The following PDHA1 variants were observed in gnomAD, a reference collection of about 807,000 sequenced individuals.
The protein encoded by PDHA1 is pyruvate dehydrogenase E1 component subunit alpha, somatic form, mitochondrial.
A neutral mutation model predicts 33.0 loss-of-function variants in PDHA1; 1 was observed. The ratio of observed to expected loss-of-function variants is 0.03; its 90% CI spans 0.01 to 0.14. PDHA1 has a LOEUF of 0.14. Among genes scored for constraint, PDHA1 ranks in the 10% least tolerant of loss-of-function variants. PDHA1 has a pLI of 1.00. For synonymous variants in PDHA1, 123 were observed against 119.2 expected (o/e 1.03, Z -0.21); for missense variants, 168 against 325.1 (o/e 0.52, Z 3.72).
chrX:19,344,127 C>T, intron 1 of PDHA1, 33 bp downstream of exon 1: 2 of 1,152,068 alleles, frequency 1.7e-6, no homozygotes, highest in Non-Finnish European at 2.4e-6. Flanking sequence ...GGATGGGGCG[C>T]GAGTGGGGCT....
chrX:19,358,919 C>T lies in PDHA1; in HGVS notation c.903C>T (p.Tyr301=), dbSNP rs1432211611. The change falls in exon 10 of 11, where the codon TAC becomes TAT. Residue 301 remains tyrosine, a synonymous_variant. Transcript: ENST00000422285. ...TACTACTTTTCCCTCCCCATAGTTACCGTACACGAGAAGAAATTCAGGAAG... is the reference window on the plus strand; with the variant it reads ...TACTACTTTTCCCTCCCCATAGTTATCGTACACGAGAAGAAATTCAGGAAG... ...GHSMSDPGVS[Y]RTREEIQEVR... is the part of the protein sequence containing the mutation. 4.4e-6 allele frequency: 5 copies of T among 1,148,665 alleles called. No individual in the cohort carries two copies. Among genetic ancestry groups the T allele is most frequent in the Non-Finnish European group, 6.0e-6 (5 of 839,428 alleles). 94.7% of individuals were successfully genotyped at this position (1,148,665 alleles called of 1,213,427 possible). A position where few individuals can be genotyped will look rare whatever the true frequency, so the allele number is the denominator to read the frequency against.
chrX:19,356,965 A>AGCCTTGG (rs1344970707), intron 8 of PDHA1, among the ~76,000 whole-genome samples: 2 of 111,828 alleles, frequency 1.8e-5, no homozygotes, highest in Non-Finnish European at 3.8e-5. Context: ...CTCCCAGCAG[A>AGCCTTGG]GCCTTGGGGT....
At chrX:19,359,073 C>T (rs1390368357) in intron 10 of PDHA1, 49 bp downstream of exon 10, 2 of 800,024 alleles carry the variant, frequency 2.5e-6, no homozygotes, top group Non-Finnish European at 1.9e-6. Flanking sequence ...TAAAAGTTGC[C>T]ACCCCTGGGT....
At chrX:19,354,685 AT>A (rs2147179923) in intron 6 of PDHA1, 102 bp downstream of exon 6, 1 of 596,109 alleles carries the variant, frequency 1.7e-6, no homozygotes, top group Non-Finnish European at 2.9e-6. Flanking sequence ...ATTAGGTGAA[AT>A]AGCAAGTCCT....
rs2063261212 is a variant in PDHA1, at chrX:19,360,066, T to TA, written c.*414dup. 3 of 189,692 alleles carry TA rather than the reference T, an allele frequency of 1.6e-5. No homozygotes were observed. Among genetic ancestry groups the TA allele is most frequent in the Non-Finnish European group, 2.9e-5 (3 of 103,402 alleles). 15.6% of individuals were successfully genotyped at this position (189,692 alleles called of 1,213,427 possible). On this transcript the variant is annotated 3_prime_UTR_variant, in exon 11 of 11. Transcript: ENST00000422285. ...TCGCGCTGACCATTTCTCTACAAGA[T>TA]ACAATATTTATTATCAGGCAAGAGG... is the stretch of plus-strand genomic sequence containing the variant.
At chrX:19,346,885 T>C (rs990021067) in intron 1 of PDHA1, among the ~76,000 whole-genome samples, 1 of 112,455 alleles carries the variant, frequency 8.9e-6, no homozygotes, top group African/African-American at 3.2e-5. Flanking sequence ...TAATTTACAC[T>C]GTTAGAATCT....
In PDHA1 at chrX:19,357,711, T is replaced by C. The variant is rs2147184530; in HGVS notation, c.891T>C (p.Pro297=). The C allele has an allele frequency of 1.7e-6, 2 of 1,203,842 alleles. No individual in the cohort carries two copies. Among genetic ancestry groups the C allele is most frequent in the Non-Finnish European group, 1.1e-6 (1 of 888,091 alleles). ...YRYHGHSMSD[P]GVSYRTREEI... is the part of the protein sequence containing the mutation. ...ACCACGGACACAGTATGAGTGACCC[T>C]GGAGTCAGGTACGCTCATGGGCAGT... Residue 297 remains proline, a synonymous_variant, in exon 9 of 11, where the codon CCT becomes CCC. Transcript: ENST00000422285.
At chrX:19,358,361 A>C (rs942548134) in intron 9 of PDHA1, among the ~76,000 whole-genome samples, 1 of 111,978 alleles carries the variant, frequency 8.9e-6, no homozygotes, top group East Asian at 2.8e-4. Flanking sequence ...AAATGGTAGA[A>C]TCCTTTTAGT....
chrX:19,346,036 A>T (rs6527915), intron 1 of PDHA1, among the ~76,000 whole-genome samples: 1,151 of 112,210 alleles, frequency 0.01, 16 homozygotes, highest in African/African-American at 0.036. Flanking sequence ...TTACTTAACT[A>T]TAAGTAACAA....
Position 19,361,658 on chromosome X carries a change from G to T in PDHA1, c.*2005G>T. 1.3e-6 allele frequency: 1 copy of T among 765,980 alleles called. No homozygotes were observed. Among genetic ancestry groups the T allele is most frequent in the South Asian group, 2.3e-5 (1 of 42,961 alleles). The allele number at this position is 765,980 out of a possible 1,213,427, so 63.1% of individuals were successfully genotyped here. A position where few individuals can be genotyped will look rare whatever the true frequency, so the allele number is the denominator to read the frequency against. On this transcript the variant is annotated 3_prime_UTR_variant, in exon 11 of 11. Transcript: ENST00000422285. Reference sequence around the variant, plus strand: ...TAAAACTCTTCAAAAGTAACCAGTTGGATTAATAAATGATTCCAGAATGTA... The same window carrying T: ...TAAAACTCTTCAAAAGTAACCAGTTTGATTAATAAATGATTCCAGAATGTA...
chrX:19,350,992 G>T (rs2063159960), intron 3 of PDHA1, among the ~76,000 whole-genome samples: 2 of 111,882 alleles, frequency 1.8e-5, no homozygotes, highest in Admixed American at 1.9e-4. Flanking sequence ...GAAGGCGGAA[G>T]TCTGGATTTT....
At position 19,345,572 on chromosome X, in the gene PDHA1, T is replaced by A. The variant is rs551173760; in HGVS notation, c.57+1478T>A. Among the ~76,000 whole-genome samples the A allele has an allele frequency of 5.4e-3, 164 of 30,257 alleles. 1 individual carries two copies. Among genetic ancestry groups the A allele is most frequent in the South Asian group, 0.043 (15 of 350 alleles). The allele number at this position is 30,257 out of a possible 115,157, so 26.3% of individuals were successfully genotyped here. A position where few individuals can be genotyped will look rare whatever the true frequency, so the allele number is the denominator to read the frequency against. ...GCGACAAGAGCAAGACTCCGTATTT[T>A]AAAAAAAAAAAAAAAAAAAAAAAAA... On this transcript the variant is annotated intron_variant, in intron 1 of 10. Coordinates refer to ENST00000422285, the MANE Select transcript of PDHA1 (RefSeq NM_000284.4).
At chrX:19,356,606 G>T (rs1288511402) in intron 8 of PDHA1, among the ~76,000 whole-genome samples, 1 of 111,851 alleles carries the variant, frequency 8.9e-6, no homozygotes, top group African/African-American at 3.3e-5. Flanking sequence ...TGAGTGATGG[G>T]TATTGACGCC....
intron 1 of PDHA1, among the ~76,000 whole-genome samples, chrX:19,347,969 C>T (rs965364383): frequency 1.4e-4 from 16 of 112,314 alleles, no homozygotes; most frequent in African/African-American, 3.6e-4. Context: ...TGAAGATATA[C>T]GTAATTAGCT....
intron 10 of PDHA1, 77 bp from the exon 11 acceptor site, chrX:19,359,412 G>GGTCCTCAGCAGAACTCTA (rs2063242124): frequency 1.2e-6 from 1 of 830,513 alleles, no homozygotes; most frequent in African/African-American, 2.0e-5. Flanking sequence ...ACCAGCAACA[G>GGTCCTCAGCAGAACTCTA]GTCCTCAGCA....
At position 19,352,328 on chromosome X, in the gene PDHA1, G is replaced by A. The variant is rs1004262899; in HGVS notation, c.419-754G>A. Among the ~76,000 whole-genome samples the A allele has an allele frequency of 1.8e-4, 19 of 106,993 alleles. 1 individual carries two copies. Among genetic ancestry groups the A allele is most frequent in the Admixed American group, 3.0e-4 (3 of 9,899 alleles). The allele number at this position is 106,993 out of a possible 115,157, so 92.9% of individuals were successfully genotyped here. A position where few individuals can be genotyped will look rare whatever the true frequency, so the allele number is the denominator to read the frequency against. On this transcript the variant is annotated intron_variant, in intron 4 of 10. Coordinates refer to ENST00000422285, the MANE Select transcript of PDHA1 (RefSeq NM_000284.4). ...TGGCTCACTGCAGCCTCCGCCCCCC[G>A]GGTTCAAGCAATTCTCCTGCCTCAG...
rs762839069 is a variant in PDHA1 at position 19,351,327 on chromosome X, A to G, written c.338A>G (p.His113Arg). The G allele has an allele frequency of 1.7e-6, 2 of 1,205,935 alleles. No individual in the cohort carries two copies. Among genetic ancestry groups the G allele is most frequent in the Admixed American group, 2.2e-5 (1 of 45,992 alleles). Residue 113 changes from histidine (H) to arginine (R), a missense_variant, in exon 4 of 11, where the codon CAT (histidine) becomes CGT (arginine). By Grantham distance (29) the His-to-Arg change is conservative (BLOSUM62 0). Transcript: ENST00000422285. ...GAGGCCGGCATCAACCCCACAGACC[A>G]TCTCATCACAGCCTACCGGGCTCAC... Reference protein sequence around the residue: ...GLEAGINPTDHLITAYRAHGF... With the variant: ...GLEAGINPTDRLITAYRAHGF...
At position 19,361,565 on chromosome X, in the gene PDHA1, G is replaced by T. The variant is rs372102191; in HGVS notation, c.*1912G>T. ...TAAGCTCTTTATCTGTTCTCTGCCC[G>T]TAGGGGCCTGCTGGGTTCTCTGTAA... On this transcript the variant is annotated 3_prime_UTR_variant, in exon 11 of 11. Coordinates refer to ENST00000422285, the MANE Select transcript of PDHA1 (RefSeq NM_000284.4). 67 of 1,207,618 alleles carry T rather than the reference G, an allele frequency of 5.5e-5. No homozygotes were observed. The highest frequency in any genetic ancestry group is 7.3e-5 in the Non-Finnish European group (65 of 892,812).
chrX:19,359,170 G>A, intron 10 of PDHA1, 146 bp downstream of exon 10: 1 of 476,053 alleles, frequency 2.1e-6, no homozygotes, highest in Non-Finnish European at 3.7e-6. Context: ...GTCCCTTGGG[G>A]TGGGGGCTTT....
Sources: allele counts gnomAD v4.1 joint callset (sites outside exome capture counted in the v4.1 genomes callset), GRCh38; gene constraint gnomAD v4.1.1; transcripts MANE v1.5; gene names NCBI Gene and HGNC (gene_info 2026-07-23, HGNC 2026-07-21).